NUDCD3: variants seen among roughly 807,000 people sequenced by gnomAD.
The protein encoded by NUDCD3 is NudC domain containing 3.
A neutral mutation model predicts 39.7 loss-of-function variants in NUDCD3; 13 were observed. That is an observed-to-expected ratio of 0.33 (90% confidence interval 0.21 to 0.52). The LOEUF is 0.52. Ranked by LOEUF, NUDCD3 falls within the 20% of genes least tolerant of loss-of-function variation. NUDCD3 has a pLI of 0.96. For synonymous variants in NUDCD3, 175 were observed against 172.4 expected (o/e 1.02, Z -0.12); for missense variants, 453 against 458.1 (o/e 0.99, Z 0.10).
intron 2 of NUDCD3, among the ~76,000 whole-genome samples, chr7:44,480,349 GAT>G (rs1800462101): frequency 6.6e-6 from 1 of 152,088 alleles, no homozygotes; most frequent in Non-Finnish European, 1.5e-5. Flanking sequence ...AAGGGACAAA[GAT>G]AAAAATGAAG....
chr7:44,468,774 C>T (rs972334404), intron 2 of NUDCD3, among the ~76,000 whole-genome samples: 3 of 152,092 alleles, frequency 2.0e-5, no homozygotes, highest in African/African-American at 7.2e-5. Flanking sequence ...AAACCTGGAA[C>T]TTCCTGTAGT....
At chr7:44,399,691 C>T (rs780145734) in intron 4 of NUDCD3, among the ~76,000 whole-genome samples, 4 of 152,122 alleles carry the variant, frequency 2.6e-5, no homozygotes, top group Admixed American at 6.5e-5. Context: ...ATGTCATCGG[C>T]GACACTCCAG....
chr7:44,451,659 G>A (rs775734084), intron 2 of NUDCD3, among the ~76,000 whole-genome samples: 17 of 152,070 alleles, frequency 1.1e-4, no homozygotes, highest in Non-Finnish European at 2.2e-4. Context: ...GAGGGGGTCC[G>A]AAGAAACTTC....
At chr7:44,400,534 G>C (rs1798702068) in intron 4 of NUDCD3, among the ~76,000 whole-genome samples, 1 of 152,250 alleles carries the variant, frequency 6.6e-6, no homozygotes, top group South Asian at 2.1e-4. Context: ...GCAGTGCTGT[G>C]ATGGGAGACC....
chr7:44,459,487 C>T (rs963442644), intron 2 of NUDCD3, among the ~76,000 whole-genome samples: 14 of 152,120 alleles, frequency 9.2e-5, no homozygotes, highest in Admixed American at 1.3e-4. Context: ...CATGCCTAGA[C>T]CTGTGGTCAT....
At chr7:44,475,407 G>A (rs979746017) in intron 2 of NUDCD3, among the ~76,000 whole-genome samples, 7 of 152,072 alleles carry the variant, frequency 4.6e-5, no homozygotes, top group African/African-American at 1.2e-4. Flanking sequence ...AGAAGATAAA[G>A]TGTAATAAAA....
At chr7:44,413,637 A>C (rs1349326067) in intron 3 of NUDCD3, among the ~76,000 whole-genome samples, 4 of 152,232 alleles carry the variant, frequency 2.6e-5, no homozygotes, top group Non-Finnish European at 5.9e-5. Flanking sequence ...ACGAAACCCC[A>C]AAATTTGATA....
intron 2 of NUDCD3, among the ~76,000 whole-genome samples, chr7:44,464,139 G>A (rs1325044613): frequency 2.0e-5 from 3 of 150,902 alleles, no homozygotes; most frequent in East Asian, 2.0e-4. Flanking sequence ...GCTTGAACCC[G>A]AGAGGAAGAG....
intron 3 of NUDCD3, among the ~76,000 whole-genome samples, chr7:44,421,825 C>G (rs1290402180): frequency 6.6e-6 from 1 of 152,174 alleles, no homozygotes; most frequent in Non-Finnish European, 1.5e-5. Context: ...ACCTAATCCA[C>G]AGAATATACA....
chr7:44,449,205 C>T (rs932235464), intron 2 of NUDCD3, among the ~76,000 whole-genome samples: 10 of 152,028 alleles, frequency 6.6e-5, no homozygotes, highest in African/African-American at 2.2e-4. Context: ...ACAAGACGAG[C>T]CTAAGAAAGA....
At chr7:44,434,776 AG>A (rs1799435033) in intron 2 of NUDCD3, among the ~76,000 whole-genome samples, 1 of 152,212 alleles carries the variant, frequency 6.6e-6, no homozygotes, top group Non-Finnish European at 1.5e-5. Context: ...GGTCAAGCCC[AG>A]CTTCCCCGCA....
intron 2 of NUDCD3, among the ~76,000 whole-genome samples, chr7:44,441,866 G>T (rs1799591877): frequency 6.6e-6 from 1 of 152,112 alleles, no homozygotes; most frequent in African/African-American, 2.4e-5. Flanking sequence ...CTGATAAATG[G>T]CAAGACAGGG....
At chr7:44,428,350 C>T (rs1441629110) in intron 2 of NUDCD3, among the ~76,000 whole-genome samples, 8 of 151,736 alleles carry the variant, frequency 5.3e-5, no homozygotes, top group Non-Finnish European at 7.4e-5. Flanking sequence ...GCAGGAGAAT[C>T]GCTTGAACCT....
intron 2 of NUDCD3, chr7:44,467,809 G>T: frequency 1.1e-6 from 1 of 907,408 alleles, no homozygotes; most frequent in South Asian, 1.4e-5. Flanking sequence ...AAAAAACTAA[G>T]ACCTCAGTAA....
intron 2 of NUDCD3, among the ~76,000 whole-genome samples, chr7:44,438,544 G>A (rs1457281528): frequency 1.3e-5 from 2 of 152,048 alleles, no homozygotes; most frequent in Non-Finnish European, 2.9e-5. Context: ...ATCCTAGACT[G>A]TCCTCAACCA....
chr7:44,418,161 G>C (rs898535153), intron 3 of NUDCD3, among the ~76,000 whole-genome samples: 5 of 152,172 alleles, frequency 3.3e-5, no homozygotes, highest in African/African-American at 1.2e-4. Flanking sequence ...GGACAGGAGG[G>C]CCAGAGGGAC....
At chr7:44,479,376 CACCTT>C (rs1386975902) in intron 2 of NUDCD3, among the ~76,000 whole-genome samples, 1 of 152,134 alleles carries the variant, frequency 6.6e-6, no homozygotes, top group African/African-American at 2.4e-5. Flanking sequence ...CAGTAATGAA[CACCTT>C]ACAACAAAAA....
chr7:44,413,632 AC>A (rs1414939742), intron 3 of NUDCD3, among the ~76,000 whole-genome samples: 1 of 152,202 alleles, frequency 6.6e-6, no homozygotes, highest in Non-Finnish European at 1.5e-5. Context: ...AACTTACGAA[AC>A]CCCAAAATTT....
intron 4 of NUDCD3, among the ~76,000 whole-genome samples, chr7:44,397,487 G>A (rs1798645874): frequency 6.6e-6 from 1 of 152,132 alleles, no homozygotes; most frequent in African/African-American, 2.4e-5. Flanking sequence ...GGTGCTGTCT[G>A]CCTTCTTAGC....
Sources: gnomAD v4.1 joint callset for allele counts (sites outside exome capture counted in the v4.1 genomes callset) on GRCh38, gnomAD v4.1.1 for gene constraint, MANE v1.5 for transcripts, NCBI Gene and HGNC (gene_info 2026-07-23, HGNC 2026-07-21) for gene names.